BABAM2: variants seen among roughly 807,000 people sequenced by gnomAD.
The protein encoded by BABAM2 is BRISC and BRCA1 A complex member 2.
BABAM2 carries 31 observed loss-of-function variants against 54.7 expected under a neutral mutation model. The observed-to-expected ratio is 0.57, with a 90% CI of 0.43 to 0.77. The LOEUF (loss-of-function observed/expected upper bound fraction) is 0.77. Among genes scored for constraint, BABAM2 ranks in the 30% least tolerant of loss-of-function variants. The pLI is 0.00. For synonymous variants in BABAM2, 167 were observed against 162.9 expected (o/e 1.03, Z -0.19); for missense variants, 364 against 455.8 (o/e 0.80, Z 1.83).
At chr2:28,189,184 A>C (rs929593000) in intron 7 of BABAM2, among the ~76,000 whole-genome samples, 5 of 149,486 alleles carry the variant, frequency 3.3e-5, no homozygotes, top group Non-Finnish European at 1.5e-5. Flanking sequence ...CTGGCGACAG[A>C]GTGAGACTCC....
intron 4 of BABAM2, among the ~76,000 whole-genome samples, chr2:28,023,272 TA>T (rs1485453678): frequency 3.3e-5 from 5 of 152,212 alleles, no homozygotes; most frequent in African/African-American, 4.8e-5. Context: ...TGACAGAATT[TA>T]AAAAATATAA....
At chr2:28,292,852 G>A (rs376353232) in intron 10 of BABAM2, among the ~76,000 whole-genome samples, 2 of 152,202 alleles carry the variant, frequency 1.3e-5, no homozygotes, top group Non-Finnish European at 2.9e-5. Context: ...AGACTCTGGG[G>A]TGAGAAGAAG....
At chr2:28,323,777 G>C (rs1690221023) in intron 11 of BABAM2, among the ~76,000 whole-genome samples, 1 of 152,152 alleles carries the variant, frequency 6.6e-6, no homozygotes, top group Non-Finnish European at 1.5e-5. Flanking sequence ...GGCTTCCTTT[G>C]CTCTTCTGGG....
At chr2:28,161,679 A>C (rs1673109927) in intron 7 of BABAM2, among the ~76,000 whole-genome samples, 1 of 152,132 alleles carries the variant, frequency 6.6e-6, no homozygotes, top group African/African-American at 2.4e-5. Context: ...CTAATACAAA[A>C]GGGAGCGCAA....
chr2:28,032,236 T>C lies in BABAM2; in HGVS notation c.495+6816T>C, dbSNP rs572630450. The stretch of plus-strand genomic sequence containing the variant: ...TCACTGAATTTTTCTTTCTGCCACA[T>C]ACATTTATATTCTTAAAAACATTCC... On this transcript the variant is annotated intron_variant, in intron 5 of 11. Transcript: ENST00000379624. 1.3e-4 allele frequency among the ~76,000 whole-genome samples: 20 copies of C among 152,306 alleles called. No individual in the cohort carries two copies. In the South Asian group the frequency reaches 4.1e-3, roughly 32 times the overall value.
chr2:28,285,811 C>A (rs1376778407), intron 10 of BABAM2, among the ~76,000 whole-genome samples: 2 of 151,988 alleles, frequency 1.3e-5, no homozygotes, highest in Non-Finnish European at 2.9e-5. Flanking sequence ...CTCAAGCGAT[C>A]CTCCCGCCTA....
At chr2:28,288,172 C>T (rs1040090267) in intron 10 of BABAM2, among the ~76,000 whole-genome samples, 79 of 152,158 alleles carry the variant, frequency 5.2e-4, no homozygotes, top group African/African-American at 1.8e-3. Flanking sequence ...AAGCAAGGGG[C>T]GCCCTCCAGA....
At chr2:28,256,873 T>G (rs1684025329) in intron 10 of BABAM2, among the ~76,000 whole-genome samples, 1 of 152,004 alleles carries the variant, frequency 6.6e-6, no homozygotes, top group Non-Finnish European at 1.5e-5. Context: ...TTTTGTATTT[T>G]TGGTAGAGAT....
At chr2:27,978,854 C>G (rs1235011027) in intron 3 of BABAM2, among the ~76,000 whole-genome samples, 1 of 151,998 alleles carries the variant, frequency 6.6e-6, no homozygotes, top group African/African-American at 2.4e-5. Context: ...CATGTATACT[C>G]CAATGTTTAG....
At chr2:28,246,219 C>T (rs547480364) in intron 10 of BABAM2, among the ~76,000 whole-genome samples, 6 of 152,288 alleles carry the variant, frequency 3.9e-5, no homozygotes, top group Admixed American at 1.3e-4. Context: ...TCAGTGTCTT[C>T]GATGGCCCTA....
At chr2:28,119,271 G>A (rs1456310212) in intron 6 of BABAM2, among the ~76,000 whole-genome samples, 1 of 152,160 alleles carries the variant, frequency 6.6e-6, no homozygotes, top group Non-Finnish European at 1.5e-5. Flanking sequence ...GGCAGTAGGG[G>A]AAACTCCACA....
chr2:28,109,351 G>T (rs1667801227), intron 6 of BABAM2, among the ~76,000 whole-genome samples: 1 of 151,908 alleles, frequency 6.6e-6, no homozygotes, highest in Non-Finnish European at 1.5e-5. Flanking sequence ...ACCATGCCCG[G>T]CTAATTTTTT....
At chr2:28,217,876 A>C (rs1680056848) in intron 7 of BABAM2, among the ~76,000 whole-genome samples, 1 of 152,196 alleles carries the variant, frequency 6.6e-6, no homozygotes, top group East Asian at 1.9e-4. Flanking sequence ...AACTAAACTC[A>C]TTGAACTCAT....
At chr2:28,149,717 T>G (rs2147774212) in intron 7 of BABAM2, among the ~76,000 whole-genome samples, 1 of 152,288 alleles carries the variant, frequency 6.6e-6, no homozygotes, top group Admixed American at 6.5e-5. Flanking sequence ...TTAGCTGTCT[T>G]GGGATTTTAC....
At chr2:28,208,083 T>C (rs944615139) in intron 7 of BABAM2, among the ~76,000 whole-genome samples, 1 of 151,098 alleles carries the variant, frequency 6.6e-6, no homozygotes, top group African/African-American at 2.4e-5. Flanking sequence ...GCGCACACAC[T>C]TTTGAGAATG....
intron 7 of BABAM2, among the ~76,000 whole-genome samples, chr2:28,164,436 C>A (rs1489368629): frequency 6.6e-6 from 1 of 151,978 alleles, no homozygotes; most frequent in Non-Finnish European, 1.5e-5. Flanking sequence ...AGGACACACA[C>A]AGGCCGCAGA....
intron 2 of BABAM2, among the ~76,000 whole-genome samples, chr2:27,900,321 T>G (rs1476367186): frequency 2.0e-5 from 3 of 152,022 alleles, no homozygotes; most frequent in Non-Finnish European, 1.5e-5. Context: ...ATATTCTAGA[T>G]CTGGTTCATA....
chr2:28,261,170 G>A (rs568147281), intron 10 of BABAM2, among the ~76,000 whole-genome samples: 1 of 151,754 alleles, frequency 6.6e-6, no homozygotes, highest in South Asian at 2.1e-4. Context: ...TCAAACTCCT[G>A]ACCTCAAGTG....
chr2:28,266,123 T>C (rs1271235368), intron 10 of BABAM2, among the ~76,000 whole-genome samples: 2 of 152,170 alleles, frequency 1.3e-5, no homozygotes, highest in African/African-American at 4.8e-5. Flanking sequence ...TAACTGGGAT[T>C]ACAGGCACAC....
Sources: gnomAD v4.1 joint callset for allele counts (sites outside exome capture counted in the v4.1 genomes callset) on GRCh38, gnomAD v4.1.1 for gene constraint, MANE v1.5 for transcripts, NCBI Gene and HGNC (gene_info 2026-07-23, HGNC 2026-07-21) for gene names.